ANO4: variants seen among roughly 807,000 people sequenced by gnomAD.
ANO4 encodes anoctamin-4.
Under a neutral mutation model 141.9 loss-of-function variants are expected in ANO4, and 69 were observed. That is an observed-to-expected ratio of 0.49 (90% CI 0.40 to 0.59). The LOEUF (loss-of-function observed/expected upper bound fraction) is 0.59. Ranked by LOEUF, ANO4 falls within the 20% of genes least tolerant of loss-of-function variation. The pLI is 0.00. For synonymous variants in ANO4, 350 were observed against 394.3 expected (o/e 0.89, Z 1.33); for missense variants, 894 against 1,162.2 (o/e 0.77, Z 3.36).
chr12:100,752,698 A>G (rs990340652), intron 3 of ANO4, among the ~76,000 whole-genome samples: 1 of 152,176 alleles, frequency 6.6e-6, no homozygotes, highest in Non-Finnish European at 1.5e-5. Flanking sequence ...TATGGTGCCT[A>G]TGGCAATGAG....
intron 1 of ANO4, among the ~76,000 whole-genome samples, chr12:100,823,356 G>A (rs1366889221): frequency 3.3e-5 from 5 of 151,978 alleles, no homozygotes; most frequent in Non-Finnish European, 7.4e-5. Context: ...ATTATCACAA[G>A]AAAGAAAAGG....
intron 9 of ANO4, among the ~76,000 whole-genome samples, chr12:101,031,817 T>A (rs1401040172): frequency 6.6e-6 from 1 of 152,066 alleles, no homozygotes; most frequent in Non-Finnish European, 1.5e-5. Context: ...AATCATGAAT[T>A]AATTCCCACT....
chr12:100,885,512 A>ATATG (rs2039784747), intron 1 of ANO4: 2 of 152,234 alleles, frequency 1.3e-5, no homozygotes, highest in Non-Finnish European at 2.9e-5. Flanking sequence ...TCTGGGTTCA[A>ATATG]AGCTAGGCTG....
At chr12:100,754,138 C>G (rs185365460) in intron 3 of ANO4, among the ~76,000 whole-genome samples, 116 of 152,320 alleles carry the variant, frequency 7.6e-4, no homozygotes, top group African/African-American at 2.7e-3. Flanking sequence ...AGACATGACT[C>G]TCTCTTTTAG....
At chr12:101,078,654 G>A (rs1211613473) in intron 14 of ANO4, among the ~76,000 whole-genome samples, 1 of 152,066 alleles carries the variant, frequency 6.6e-6, no homozygotes, top group Non-Finnish European at 1.5e-5. Flanking sequence ...ACTCCTTCCA[G>A]TAAAACAGGA....
chr12:100,829,457 C>G (rs1365880691), intron 1 of ANO4, among the ~76,000 whole-genome samples: 2 of 151,992 alleles, frequency 1.3e-5, no homozygotes, highest in African/African-American at 4.8e-5. Flanking sequence ...ATATTTTTAA[C>G]CTAGCTGTTA....
intron 1 of ANO4, among the ~76,000 whole-genome samples, chr12:100,799,784 C>G (rs1306761388): frequency 6.6e-6 from 1 of 152,154 alleles, no homozygotes; most frequent in East Asian, 1.9e-4. Context: ...ACCTAATCCT[C>G]TCATTCCACA....
In ANO4 at chr12:100,764,477, AT is replaced by A. The variant is rs1294669827; in HGVS notation, c.358+24377del. On this transcript the variant is annotated intron_variant, in intron 3 of 29. Transcript: ENST00000644049. ...TTATAAGTAAATAAAGCAATTTGAC[AT>A]TTTTACTCACTTTAATTATCCTTCT... Among the ~76,000 whole-genome samples, 24 of 152,286 alleles carry A rather than the reference AT, an allele frequency of 1.6e-4. No homozygotes were observed. The East Asian group carries it at 2.3e-3, about 15-fold the overall frequency.
chr12:101,087,582 C>A (rs73379478), intron 17 of ANO4, among the ~76,000 whole-genome samples: 1 of 151,996 alleles, frequency 6.6e-6, no homozygotes, highest in Non-Finnish European at 1.5e-5. Context: ...GCAAGGAAAC[C>A]GCCAAGCTGG....
chr12:101,047,311 C>T (rs1017890442), intron 13 of ANO4, among the ~76,000 whole-genome samples: 8 of 152,130 alleles, frequency 5.3e-5, no homozygotes, highest in East Asian at 3.9e-4. Context: ...AGTCAAATAC[C>T]GCTAGAACCT....
At chr12:100,916,065 TATG>T (rs2041325248) in intron 2 of ANO4, among the ~76,000 whole-genome samples, 1 of 152,226 alleles carries the variant, frequency 6.6e-6, no homozygotes, top group East Asian at 1.9e-4. Context: ...TTTACATTGT[TATG>T]TGTCACAGCA....
chr12:100,969,715 A>G (rs1180083357), intron 5 of ANO4, among the ~76,000 whole-genome samples: 3 of 146,870 alleles, frequency 2.0e-5, no homozygotes, highest in East Asian at 2.1e-4. Flanking sequence ...AAGGATTGTT[A>G]TACAATACTA....
At chr12:100,877,424 A>G (rs2039368244) in intron 1 of ANO4, among the ~76,000 whole-genome samples, 1 of 151,436 alleles carries the variant, frequency 6.6e-6, no homozygotes, top group African/African-American at 2.4e-5. Flanking sequence ...TTCCAAATAT[A>G]CCTTAATTTT....
chr12:101,009,381 GT>G (rs1382241478), intron 8 of ANO4, among the ~76,000 whole-genome samples: 1 of 152,014 alleles, frequency 6.6e-6, no homozygotes, highest in Non-Finnish European at 1.5e-5. Context: ...ACAAATTTCT[GT>G]TTTTTGAGCC....
chr12:100,726,294 TAAA>T (rs34005162), intron 1 of ANO4, among the ~76,000 whole-genome samples: 145 of 152,356 alleles, frequency 9.5e-4, no homozygotes, highest in African/African-American at 3.3e-3. Flanking sequence ...AGGTCTTTCT[TAAA>T]AAGAAGCTCT....
chr12:100,961,811 G>A (rs989389218), intron 5 of ANO4, among the ~76,000 whole-genome samples: 5 of 152,156 alleles, frequency 3.3e-5, no homozygotes, highest in African/African-American at 1.2e-4. Flanking sequence ...GGCCCCAGTT[G>A]CCTACTGTAC....
intron 1 of ANO4, among the ~76,000 whole-genome samples, chr12:100,732,558 G>A (rs1369801320): frequency 6.6e-6 from 1 of 152,082 alleles, no homozygotes; most frequent in African/African-American, 2.4e-5. Context: ...TCATAGAGTA[G>A]CAGTTTTTAA....
intron 5 of ANO4, among the ~76,000 whole-genome samples, chr12:100,960,592 TAAAGTA>T (rs938481599): frequency 2.7e-5 from 4 of 149,886 alleles, no homozygotes; most frequent in Admixed American, 6.6e-5. Flanking sequence ...TCCTGGAACT[TAAAGTA>T]AAATAAAAAA....
rs558788989 is a variant in ANO4, at chr12:101,042,885, G to A, written c.1154+417G>A. Among the ~76,000 whole-genome samples the A allele has an allele frequency of 4.7e-4, 72 of 152,182 alleles. 4 individuals are homozygous for A. The highest frequency in any genetic ancestry group is 6.8e-3 in the Middle Eastern group (2 of 294). On this transcript the variant is annotated intron_variant, in intron 12 of 27. Transcript: ENST00000392977. The stretch of plus-strand genomic sequence containing the variant: ...ACCAGCTTGCTAGTATCTTGGGAGC[G>A]GTTCAGTGTCGATGACCATTATCTT...
Sources: gnomAD v4.1 joint callset for allele counts (sites outside exome capture counted in the v4.1 genomes callset) on GRCh38, gnomAD v4.1.1 for gene constraint, MANE v1.5 for transcripts, NCBI Gene and HGNC (gene_info 2026-07-23, HGNC 2026-07-21) for gene names.